The following MARCHF1 variants were observed in gnomAD, a reference collection of about 807,000 sequenced individuals.
The protein encoded by MARCHF1 is E3 ubiquitin-protein ligase MARCHF1.
Under a neutral mutation model 54.2 loss-of-function variants are expected in MARCHF1, and 40 were observed. The observed-to-expected ratio is 0.74, with a 90% CI of 0.57 to 0.96. The LOEUF (loss-of-function observed/expected upper bound fraction) is 0.96. MARCHF1 is among the 40% of genes least tolerant of loss of function. The pLI is 0.00. For synonymous variants in MARCHF1, 236 were observed against 236.3 expected, an observed-to-expected ratio of 1.00 and a Z score of 0.01; for missense variants, 586 against 656.5, an observed-to-expected ratio of 0.89 and a Z score of 1.17.
At chr4:164,188,302 T>A (rs942225043) in intron 1 of MARCHF1, 1 of 314,500 alleles carries the variant, frequency 3.2e-6, no homozygotes, top group Non-Finnish European at 6.1e-6. Flanking sequence ...GAGAGGCGGG[T>A]AACCGCGCTG....
At chr4:164,008,829 A>T (rs1753353783) in intron 2 of MARCHF1, among the ~76,000 whole-genome samples, 1 of 152,048 alleles carries the variant, frequency 6.6e-6, no homozygotes, top group Admixed American at 6.6e-5. Flanking sequence ...GATATGGCAA[A>T]AACAGTAAGA....
intron 1 of MARCHF1, among the ~76,000 whole-genome samples, chr4:164,145,449 C>T (rs892710618): frequency 5.3e-5 from 8 of 152,068 alleles, no homozygotes; most frequent in African/African-American, 1.9e-4. Context: ...ACGAATCCAG[C>T]AGCACATCAA....
chr4:163,672,903 T>C (rs1271896335), intron 5 of MARCHF1, among the ~76,000 whole-genome samples: 2 of 152,200 alleles, frequency 1.3e-5, no homozygotes, highest in African/African-American at 2.4e-5. Flanking sequence ...TTGTCACACG[T>C]CCTTTTTCTG....
chr4:164,090,608 A>G (rs571592734), intron 2 of MARCHF1, among the ~76,000 whole-genome samples: 2 of 152,240 alleles, frequency 1.3e-5, no homozygotes, highest in African/African-American at 4.8e-5. Context: ...GCAAAAATTC[A>G]TAACAGAAAA....
At position 164,274,679 on chromosome 4, in the gene MARCHF1, T is replaced by C. The variant is rs1419493552; in HGVS notation, c.-323+109191A>G. 3.8e-4 allele frequency among the ~76,000 whole-genome samples: 48 copies of C among 125,780 alleles called. 2 individuals are homozygous for C. The highest frequency in any genetic ancestry group is 1.4e-3 in the African/African-American group (47 of 33,050). The allele number at this position is 125,780 out of a possible 152,430, so 82.5% of individuals were successfully genotyped here. On this transcript the variant is annotated intron_variant, in intron 1 of 9. Transcript: ENST00000514618. Reference sequence around the variant, plus strand: ...GTACACTTTTTTTTTTTTTTTTTTTTTTTTTTTTTTTTTTTTAGACGGAGT... The same window carrying C: ...GTACACTTTTTTTTTTTTTTTTTTTCTTTTTTTTTTTTTTTTAGACGGAGT...
chr4:163,921,980 CAAT>C (rs1248806243), intron 3 of MARCHF1, among the ~76,000 whole-genome samples: 2 of 152,038 alleles, frequency 1.3e-5, no homozygotes, highest in Non-Finnish European at 2.9e-5. Flanking sequence ...AAATGTCCAA[CAAT>C]GATAGACTGG....
intron 2 of MARCHF1, among the ~76,000 whole-genome samples, chr4:163,994,452 G>A (rs1478465184): frequency 1.3e-5 from 2 of 151,826 alleles, no homozygotes; most frequent in African/African-American, 2.4e-5. Context: ...ATTTCATGAG[G>A]AGATATACCT....
intron 2 of MARCHF1, among the ~76,000 whole-genome samples, chr4:164,064,517 C>T: frequency 6.6e-6 from 1 of 152,142 alleles, no homozygotes; most frequent in Non-Finnish European, 1.5e-5. Context: ...TTAGACTTTG[C>T]TGAAGTTGCT....
chr4:163,920,832 T>C (rs1751414263), intron 3 of MARCHF1, among the ~76,000 whole-genome samples: 1 of 150,794 alleles, frequency 6.6e-6, no homozygotes, highest in Non-Finnish European at 1.5e-5. Flanking sequence ...TATGTCTCTA[T>C]GTTTTAGAAT....
intron 3 of MARCHF1, among the ~76,000 whole-genome samples, chr4:163,894,394 C>A (rs1173133142): frequency 6.6e-6 from 1 of 151,458 alleles, no homozygotes; most frequent in East Asian, 1.9e-4. Flanking sequence ...ATGCTTAATA[C>A]AAAGCTATAT....
Position 163,980,985 on chromosome 4 carries a change from C to T in MARCHF1, c.-39+7516G>A, listed in dbSNP as rs1214702782. Among the ~76,000 whole-genome samples the T allele has an allele frequency of 6.6e-5, 10 of 152,134 alleles. No homozygotes were observed. In the East Asian group the frequency reaches 1.7e-3, roughly 26 times the overall value. ...GTATGGAGCTCGCTTAGAAATCAAC[C>T]TATTTAGGTTTACAGGTAAGGATAA... On this transcript the variant is annotated intron_variant, in intron 3 of 9. Coordinates refer to ENST00000514618, the MANE Select transcript of MARCHF1 (RefSeq NM_001394959.1).
intron 4 of MARCHF1, among the ~76,000 whole-genome samples, chr4:163,816,209 G>T (rs961817348): frequency 6.6e-6 from 1 of 152,132 alleles, no homozygotes; most frequent in African/African-American, 2.4e-5. Flanking sequence ...TGCTGCGAAG[G>T]CATTGAAAAA....
chr4:164,235,768 A>T (rs937300123), intron 1 of MARCHF1, among the ~76,000 whole-genome samples: 6 of 152,080 alleles, frequency 3.9e-5, no homozygotes, highest in Non-Finnish European at 5.9e-5. Flanking sequence ...GGGATAAAAA[A>T]AACCAGTACA....
chr4:163,739,202 C>T (rs969631570), intron 4 of MARCHF1, among the ~76,000 whole-genome samples: 1 of 152,142 alleles, frequency 6.6e-6, no homozygotes, highest in African/African-American at 2.4e-5. Flanking sequence ...CCTTTATCAA[C>T]ACATTGAGTG....
At chr4:164,345,573 C>CATA (rs5863679) in intron 1 of MARCHF1, among the ~76,000 whole-genome samples, 16,466 of 143,184 alleles carry the variant, frequency 0.11, 956 homozygotes, top group African/African-American at 0.15. Context: ...CTGTCTCAAA[C>CATA]ATAATAATAA....
At chr4:163,674,854 A>G (rs999155593) in intron 5 of MARCHF1, among the ~76,000 whole-genome samples, 18 of 152,242 alleles carry the variant, frequency 1.2e-4, no homozygotes, top group Admixed American at 1.2e-3. Context: ...AGACATTAAT[A>G]TGTTATGGTT....
chr4:163,910,402 T>C (rs1751164407), intron 3 of MARCHF1, among the ~76,000 whole-genome samples: 1 of 152,194 alleles, frequency 6.6e-6, no homozygotes, highest in Admixed American at 6.6e-5. Flanking sequence ...CTCAAAGCTA[T>C]GTTCTCTTCT....
chr4:163,608,155 A>G (rs989510301), intron 7 of MARCHF1, among the ~76,000 whole-genome samples: 3 of 152,122 alleles, frequency 2.0e-5, no homozygotes, highest in African/African-American at 7.2e-5. Context: ...TAATCATAAT[A>G]ATGCCTATAT....
Position 164,207,222 on chromosome 4 carries a change from C to T in MARCHF1, c.-322-95560G>A, listed in dbSNP as rs543086588. On this transcript the variant is annotated intron_variant, in intron 1 of 9. Coordinates refer to ENST00000514618, the MANE Select transcript of MARCHF1 (RefSeq NM_001394959.1). ...TTACAATGCATAAAAACATTATTTC[C>T]TAATACATCTGTATAACATGATCTC... Among the ~76,000 whole-genome samples the T allele has an allele frequency of 9.9e-5, 15 of 152,270 alleles. 1 individual carries two copies. The South Asian group carries it at 1.9e-3, about 19-fold the overall frequency.
Sources: allele counts gnomAD v4.1 joint callset (sites outside exome capture counted in the v4.1 genomes callset), GRCh38; gene constraint gnomAD v4.1.1; transcripts MANE v1.5; gene names NCBI Gene and HGNC (gene_info 2026-07-23, HGNC 2026-07-21).